The following ADGRV1 variants were observed in gnomAD, a reference collection of about 807,000 sequenced individuals.
ADGRV1 encodes the protein adhesion G protein-coupled receptor V1, also known as G-protein coupled receptor 98.
A neutral mutation model predicts 596.2 loss-of-function variants in ADGRV1; 359 were observed. The observed-to-expected ratio is 0.60, with a 90% CI of 0.55 to 0.66. ADGRV1 has a LOEUF of 0.66. Ranked by LOEUF, ADGRV1 falls within the 30% of genes least tolerant of loss-of-function variation. ADGRV1 has a pLI of 0.00. For missense variants in ADGRV1, 7,274 were observed against 7,575.6 expected, an observed-to-expected ratio of 0.96 and a Z score of 1.48; for synonymous variants, 2,681 against 2,679.2, an observed-to-expected ratio of 1.00 and a Z score of -0.02.
At chr5:90,913,924 T>A (rs1313462327) in intron 83 of ADGRV1, among the ~76,000 whole-genome samples, 1 of 152,222 alleles carries the variant, frequency 6.6e-6, no homozygotes, top group East Asian at 1.9e-4. Context: ...AATATTGTGC[T>A]ATAATGTTTT....
intron 83 of ADGRV1, among the ~76,000 whole-genome samples, chr5:90,936,030 A>G (rs1775657471): frequency 6.6e-6 from 1 of 152,226 alleles, no homozygotes; most frequent in Non-Finnish European, 1.5e-5. Flanking sequence ...GAGTTTTAGA[A>G]TAAGACTCTT....
intron 11 of ADGRV1, among the ~76,000 whole-genome samples, chr5:90,638,919 A>C (rs555499777): frequency 2.0e-4 from 30 of 152,300 alleles, no homozygotes; most frequent in African/African-American, 7.0e-4. Context: ...AGAAAAGTAT[A>C]GAATGTAAGC....
intron 1 of ADGRV1, among the ~76,000 whole-genome samples, chr5:90,613,748 C>T (rs749046432): frequency 7.9e-5 from 12 of 152,026 alleles, no homozygotes; most frequent in East Asian, 1.9e-4. Context: ...ATATACTTAA[C>T]GGAGAACATT....
rs938011082 is a variant in ADGRV1 at position 90,676,215 on chromosome 5, G to C, written c.5443+6G>C. ...GTTAAACTTGGAAGGAGGAGGTAAG[G>C]CTGGTGATTCAAAAATGTTAAATAT... On this transcript the variant is annotated splice_donor_region_variant and intron_variant, in intron 25 of 89. Transcript: ENST00000405460. The C allele has an allele frequency of 6.3e-7, 1 of 1,595,178 alleles. No homozygotes were observed. Among genetic ancestry groups the C allele is most frequent in the South Asian group, 1.2e-5 (1 of 86,786 alleles).
In ADGRV1 at chr5:90,815,742, T is replaced by C; in HGVS notation, c.16196+6T>C. 7.3e-7 allele frequency: 1 copy of C among 1,379,022 alleles called. No homozygotes were observed. The highest frequency in any genetic ancestry group is 1.9e-5 in the Admixed American group (1 of 51,292). The allele number at this position is 1,379,022 out of a possible 1,614,324, so 85.4% of individuals were successfully genotyped here. A position where few individuals can be genotyped will look rare whatever the true frequency, so the allele number is the denominator to read the frequency against. On this transcript the variant is annotated splice_donor_region_variant and intron_variant, in intron 75 of 89. Transcript: ENST00000405460. ...GTCACAAGACAGCCAAACAGGTATGTGTATATATAGTATATGGAAGACGTA... is the reference window on the plus strand; with the variant it reads ...GTCACAAGACAGCCAAACAGGTATGCGTATATATAGTATATGGAAGACGTA...
In ADGRV1 at chr5:90,795,613, G is replaced by A. The variant is rs148754405; in HGVS notation, c.14517+4267G>A. The stretch of plus-strand genomic sequence containing the variant: ...TCCCTGCCTGACGGCTCTGAAGAGA[G>A]CAGTGGATCTCCCAGCACAGCGTTC... On this transcript the variant is annotated intron_variant, in intron 70 of 89. Coordinates refer to ENST00000405460, the MANE Select transcript of ADGRV1 (RefSeq NM_032119.4). 5.2e-4 allele frequency among the ~76,000 whole-genome samples: 79 copies of A among 152,312 alleles called. No individual in the cohort carries two copies. In the Middle Eastern group the frequency reaches 0.01, roughly 20 times the overall value.
intron 78 of ADGRV1, among the ~76,000 whole-genome samples, chr5:90,841,507 G>C (rs748849498): frequency 3.7e-4 from 56 of 152,112 alleles, no homozygotes; most frequent in Non-Finnish European, 6.5e-4. Context: ...CATTCCATTT[G>C]GTATATACTT....
chr5:90,763,677 T>A (rs1030516239), intron 59 of ADGRV1, among the ~76,000 whole-genome samples: 17 of 152,210 alleles, frequency 1.1e-4, no homozygotes, highest in African/African-American at 4.1e-4. Context: ...ACCCCACTCC[T>A]ACCCTGCTGC....
At chr5:90,640,990 C>T (rs182847405) in intron 11 of ADGRV1, 24 of 152,708 alleles carry the variant, frequency 1.6e-4, no homozygotes, top group Admixed American at 1.4e-3. Context: ...GCTTGTCCAC[C>T]TGGCCATGCA....
intron 85 of ADGRV1, among the ~76,000 whole-genome samples, chr5:90,987,069 G>A (rs1367727468): frequency 6.6e-6 from 1 of 152,150 alleles, no homozygotes; most frequent in Non-Finnish European, 1.5e-5. Flanking sequence ...GTCCAAATGA[G>A]CTTACTCAAA....
At chr5:91,023,867 C>T (rs1783828023) in intron 85 of ADGRV1, among the ~76,000 whole-genome samples, 1 of 152,102 alleles carries the variant, frequency 6.6e-6, no homozygotes, top group Non-Finnish European at 1.5e-5. Flanking sequence ...AATGTAATAA[C>T]TAATATATAG....
chr5:91,066,221 T>C (rs576724901), intron 85 of ADGRV1, among the ~76,000 whole-genome samples: 1 of 152,352 alleles, frequency 6.6e-6, no homozygotes, highest in African/African-American at 2.4e-5. Flanking sequence ...GCTTATTTCT[T>C]ATGTTACATT....
At chr5:90,921,099 A>C (rs1389408296) in intron 83 of ADGRV1, among the ~76,000 whole-genome samples, 1 of 152,204 alleles carries the variant, frequency 6.6e-6, no homozygotes, top group Non-Finnish European at 1.5e-5. Context: ...TTCATGCCCA[A>C]ATGAAAGTGT....
intron 83 of ADGRV1, among the ~76,000 whole-genome samples, chr5:90,937,339 T>G (rs1775778468): frequency 1.3e-5 from 2 of 152,200 alleles, no homozygotes; most frequent in African/African-American, 4.8e-5. Context: ...AGCCTTATCT[T>G]TCTGTGCTGC....
chr5:90,939,716 T>G (rs1776011632), intron 83 of ADGRV1, among the ~76,000 whole-genome samples: 2 of 152,178 alleles, frequency 1.3e-5, no homozygotes, highest in Admixed American at 1.3e-4. Context: ...GAATTGCTTT[T>G]TTTTACTTGA....
At chr5:90,577,033 G>GT (rs1364542263) in intron 1 of ADGRV1, among the ~76,000 whole-genome samples, 42 of 152,192 alleles carry the variant, frequency 2.8e-4, no homozygotes, top group African/African-American at 1.0e-3. Flanking sequence ...TGTCAGATGG[G>GT]TAGATTGCAA....
intron 85 of ADGRV1, among the ~76,000 whole-genome samples, chr5:91,025,111 C>G (rs983203366): frequency 3.3e-5 from 5 of 152,138 alleles, no homozygotes; most frequent in African/African-American, 1.2e-4. Context: ...AAAGACCTGC[C>G]ACATATTAAT....
intron 85 of ADGRV1, among the ~76,000 whole-genome samples, chr5:91,037,493 G>C (rs541740630): frequency 1.3e-5 from 2 of 152,094 alleles, no homozygotes; most frequent in East Asian, 3.9e-4. Flanking sequence ...GGAGAGGGGG[G>C]ATAAAGTTAG....
At chr5:90,672,906 A>G in intron 22 of ADGRV1, 184 bp downstream of exon 22, 1 of 521,746 alleles carries the variant, frequency 1.9e-6, no homozygotes, top group Admixed American at 3.6e-5. Context: ...AGGTAGAGTT[A>G]GTTTCTTCAT....
Sources: gnomAD v4.1 joint callset for allele counts (sites outside exome capture counted in the v4.1 genomes callset) on GRCh38, gnomAD v4.1.1 for gene constraint, MANE v1.5 for transcripts, NCBI Gene and HGNC (gene_info 2026-07-23, HGNC 2026-07-21) for gene names.